The following PCDHA3 variants were observed in gnomAD, a reference collection of about 807,000 sequenced individuals.
PCDHA3 encodes the protein protocadherin alpha 3, also known as protocadherin alpha-3.
Under a neutral mutation model 62.2 loss-of-function variants are expected in PCDHA3, and 41 were observed. The observed-to-expected ratio is 0.66, with a 90% CI of 0.51 to 0.86. The LOEUF (loss-of-function observed/expected upper bound fraction) is 0.86. PCDHA3 is among the 40% of genes least tolerant of loss of function. The pLI is 0.00. For synonymous variants in PCDHA3, 640 were observed against 555.4 expected, an observed-to-expected ratio of 1.15 and a Z score of -2.14; for missense variants, 1,304 against 1,241.2, an observed-to-expected ratio of 1.05 and a Z score of -0.76.
chr5:140,827,955 C>T, intron 1 of PCDHA3: 3 of 1,286,522 alleles, frequency 2.3e-6, no homozygotes, highest in Non-Finnish European at 3.2e-6. Flanking sequence ...ATTCAAATTT[C>T]TTCTATTACT....
intron 1 of PCDHA3, among the ~76,000 whole-genome samples, chr5:140,974,053 T>C (rs529581642): frequency 6.6e-6 from 1 of 152,346 alleles, no homozygotes; most frequent in African/African-American, 2.4e-5. Flanking sequence ...TATGATAATA[T>C]TTGGAGCAGT....
At chr5:140,865,760 G>A (rs1470653142) in intron 1 of PCDHA3, 1 of 152,154 alleles carries the variant, frequency 6.6e-6, no homozygotes, top group African/African-American at 2.4e-5. Flanking sequence ...AGTACATGGT[G>A]GAGATATTAT....
In PCDHA3 at chr5:140,801,169, G is replaced by C; in HGVS notation, c.-29G>C. The C allele has an allele frequency of 1.3e-6, 2 of 1,562,790 alleles. No individual in the cohort carries two copies. Among genetic ancestry groups the C allele is most frequent in the South Asian group, 1.2e-5 (1 of 81,868 alleles). On this transcript the variant is annotated 5_prime_UTR_variant, in exon 1 of 4. Transcript: ENST00000522353. ...TTTTTAAACTTTGGATCAATGTAAA[G>C]GCAATCTAATATTTGGAAAATACTT...
At chr5:140,917,325 G>A (rs2078036694) in intron 1 of PCDHA3, among the ~76,000 whole-genome samples, 2 of 131,364 alleles carry the variant, frequency 1.5e-5, no homozygotes, top group East Asian at 2.1e-4. Context: ...TTCATGTGGC[G>A]GGGGAGGGGG....
At chr5:140,855,129 T>A (rs1294464792) in intron 1 of PCDHA3, among the ~76,000 whole-genome samples, 1 of 149,788 alleles carries the variant, frequency 6.7e-6, no homozygotes, top group African/African-American at 2.4e-5. Context: ...TAGGTAATAA[T>A]TTTGCCTGAT....
chr5:140,808,681 G>T (rs577718830), intron 1 of PCDHA3: 28 of 1,612,602 alleles, frequency 1.7e-5, no homozygotes, highest in Non-Finnish European at 2.4e-5. Flanking sequence ...TAGAGCGGCG[G>T]GTAGGGGAGC....
intron 1 of PCDHA3, chr5:140,824,613 T>G (rs2150135579): frequency 6.5e-5 from 8 of 122,680 alleles, no homozygotes; most frequent in Middle Eastern, 3.6e-3. Flanking sequence ...AATTAAAGTT[T>G]TTTTTTTTTT....
At chr5:140,889,332 G>T (rs1387530088) in intron 1 of PCDHA3, among the ~76,000 whole-genome samples, 1 of 151,982 alleles carries the variant, frequency 6.6e-6, no homozygotes, top group African/African-American at 2.4e-5. Flanking sequence ...TCAGGATTTT[G>T]ATTGGTGGGA....
chr5:140,981,625 C>T (rs1554243036), intron 2 of PCDHA3, among the ~76,000 whole-genome samples: 2 of 152,096 alleles, frequency 1.3e-5, no homozygotes, highest in Non-Finnish European at 2.9e-5. Context: ...TGAGGGTTTT[C>T]TTGGACATTT....
At chr5:140,988,471 G>A (rs1442408975) in intron 3 of PCDHA3, among the ~76,000 whole-genome samples, 1 of 152,078 alleles carries the variant, frequency 6.6e-6, no homozygotes, top group Non-Finnish European at 1.5e-5. Context: ...TGTGGGAAGG[G>A]GAATTAGCAT....
At chr5:140,829,598 G>C (rs782543757) in intron 1 of PCDHA3, 5 of 1,611,978 alleles carry the variant, frequency 3.1e-6, no homozygotes, top group Non-Finnish European at 4.2e-6. Context: ...GGGCGAGCGC[G>C]CGTTGTCGAG....
chr5:140,884,745 A>G (rs1479357916), intron 1 of PCDHA3: 20 of 1,431,734 alleles, frequency 1.4e-5, no homozygotes, highest in Non-Finnish European at 1.7e-5. Context: ...TTTCCTGCCA[A>G]TTTCAAATTA....
At position 140,857,907 on chromosome 5, in the gene PCDHA3, C is replaced by T. The variant is rs1250345336; in HGVS notation, c.2394+54316C>T. 3.1e-6 allele frequency: 5 copies of T among 1,597,680 alleles called. No homozygotes were observed. Among genetic ancestry groups the T allele is most frequent in the Admixed American group, 1.7e-5 (1 of 59,240 alleles). Reference sequence around the variant, plus strand: ...TCGGCGGCGGTTGGTGCACGCATCCCGTTTCGCGTGGGGCTGTACACGGGC... The same window carrying T: ...TCGGCGGCGGTTGGTGCACGCATCCTGTTTCGCGTGGGGCTGTACACGGGC... On this transcript the variant is annotated intron_variant, in intron 1 of 3. Transcript: ENST00000522353.
chr5:140,881,310 G>A (rs782291557), intron 1 of PCDHA3: 31 of 977,830 alleles, frequency 3.2e-5, no homozygotes, highest in Non-Finnish European at 3.6e-5. Flanking sequence ...TAACCTCCTG[G>A]TTAAATTCTA....
rs144940545 is a variant in PCDHA3, at chr5:140,840,415, A to G, written c.2394+36824A>G. Among the ~76,000 whole-genome samples the G allele has an allele frequency of 1.2e-3, 182 of 152,100 alleles. 3 individuals are homozygous for G. In the East Asian group the frequency reaches 0.029, roughly 25 times the overall value. On this transcript the variant is annotated intron_variant, in intron 1 of 3. Coordinates refer to ENST00000522353, the MANE Select transcript of PCDHA3 (RefSeq NM_018906.3). ...ATATGGAGTTAAGAATACTTCAAAT[A>G]ATAGGCTAGTTTAAAGCCGTGGAAA...
At chr5:140,927,989 A>T (rs2084847354) in intron 1 of PCDHA3, 1 of 1,614,208 alleles carries the variant, frequency 6.2e-7, no homozygotes, top group African/African-American at 1.3e-5. Flanking sequence ...AGTGTAAAGG[A>T]TGAAGACCTC....
chr5:140,921,630 A>G lies in PCDHA3; in HGVS notation c.2395-57319A>G, dbSNP rs554698507. ...AGAAAAATATCATCAGATCATCATTATGGTAGCTATTTTAAGGGAACTTAA... is the reference window on the plus strand; with the variant it reads ...AGAAAAATATCATCAGATCATCATTGTGGTAGCTATTTTAAGGGAACTTAA... On this transcript the variant is annotated intron_variant, in intron 1 of 3. Coordinates refer to ENST00000522353, the MANE Select transcript of PCDHA3 (RefSeq NM_018906.3). Among the ~76,000 whole-genome samples, 4 of 152,344 alleles carry G rather than the reference A, an allele frequency of 2.6e-5. No homozygotes were observed. The South Asian group carries it at 8.3e-4, about 32-fold the overall frequency.
chr5:140,802,664 G>A lies in PCDHA3; in HGVS notation c.1467G>A (p.Leu489=). The A allele has an allele frequency of 6.2e-7, 1 of 1,613,542 alleles. No individual in the cohort carries two copies. Among genetic ancestry groups the A allele is most frequent in the Non-Finnish European group, 8.5e-7 (1 of 1,179,856 alleles). The part of the protein sequence containing the change: ...ARDADAQENA[L]VSYSLVERRV... ...ACGCGGACGCGCAGGAGAACGCCCTGGTGTCCTACTCGCTGGTGGAACGGC... is the reference window on the plus strand; with the variant it reads ...ACGCGGACGCGCAGGAGAACGCCCTAGTGTCCTACTCGCTGGTGGAACGGC... Residue 489 remains leucine, a synonymous_variant, in exon 1 of 4, where the codon CTG becomes CTA. Transcript: ENST00000522353.
At chr5:140,958,510 G>A (rs1476919397) in intron 1 of PCDHA3, among the ~76,000 whole-genome samples, 1 of 152,114 alleles carries the variant, frequency 6.6e-6, no homozygotes, top group Non-Finnish European at 1.5e-5. Flanking sequence ...AGGCATGGCT[G>A]TCCAATATAT....
Sources: gnomAD v4.1 joint callset for allele counts (sites outside exome capture counted in the v4.1 genomes callset) on GRCh38, gnomAD v4.1.1 for gene constraint, MANE v1.5 for transcripts, NCBI Gene and HGNC (gene_info 2026-07-23, HGNC 2026-07-21) for gene names.